FCRL6: variants seen among roughly 807,000 people sequenced by gnomAD.
FCRL6 encodes the protein Fc receptor-like protein 6.
FCRL6 carries 50 observed loss-of-function variants against 49.1 expected under a neutral mutation model. The ratio of observed to expected loss-of-function variants is 1.02; its 90% confidence interval spans 0.81 to 1.29. The LOEUF is 1.29. Among genes scored for constraint, FCRL6 ranks in the 50% most tolerant of loss-of-function variants. The pLI, the probability that FCRL6 is intolerant of heterozygous loss-of-function variation, is 0.00. For synonymous variants in FCRL6, 213 were observed against 199.6 expected (o/e 1.07, Z -0.57); for missense variants, 571 against 518.5 (o/e 1.10, Z -0.98).
chr1:159,809,322 TG>T, intron 4 of FCRL6, 77 bp downstream of exon 4: 1 of 1,527,290 alleles, frequency 6.5e-7, no homozygotes, highest in Non-Finnish European at 8.8e-7. Context: ...CTAAAGGAGT[TG>T]GGGGAAGGGT....
At chr1:159,811,393 C>T (rs1663081161) in intron 6 of FCRL6, among the ~76,000 whole-genome samples, 1 of 152,198 alleles carries the variant, frequency 6.6e-6, no homozygotes, top group Non-Finnish European at 1.5e-5. Flanking sequence ...TCTCATAGAC[C>T]TCCAAAGCTA....
chr1:159,803,849 A>G (rs1662498816), intron 1 of FCRL6, among the ~76,000 whole-genome samples: 1 of 152,084 alleles, frequency 6.6e-6, no homozygotes, highest in Non-Finnish European at 1.5e-5. Flanking sequence ...AAACACAGAC[A>G]CTGGGGCTGG....
chr1:159,813,594 C>T (rs199970454), intron 7 of FCRL6, 40 bp downstream of exon 7: 1,158 of 1,559,240 alleles, frequency 7.4e-4, no homozygotes, highest in Non-Finnish European at 9.5e-4. Flanking sequence ...CCCATGTGGG[C>T]CAAAAAGAGC....
chr1:159,813,571 G>A lies in FCRL6; in HGVS notation c.1075+17G>A, dbSNP rs368315973. ...ATGCCAACGGTAAGGACTTCCAGCA[G>A]GATGGTGGTGTGCCCATGTGGGCCA... On this transcript the variant is annotated intron_variant, in intron 7 of 9. Coordinates refer to ENST00000368106, the MANE Select transcript of FCRL6 (RefSeq NM_001004310.3). The A allele has an allele frequency of 2.5e-5, 41 of 1,612,108 alleles. No individual in the cohort carries two copies. In the African/African-American group the frequency reaches 4.7e-4, roughly 18 times the overall value.
In FCRL6 at chr1:159,802,463, A is replaced by C; in HGVS notation, c.31+8A>C. On this transcript the variant is annotated splice_region_variant and intron_variant, in intron 1 of 9. Coordinates refer to ENST00000368106, the MANE Select transcript of FCRL6 (RefSeq NM_001004310.3). Reference sequence around the variant, plus strand: ...CGGCTGTGCTGCTCTTTGGTAAGTCAACGAGCATGGGCATCCCCTCTTGGA... The same window carrying C: ...CGGCTGTGCTGCTCTTTGGTAAGTCCACGAGCATGGGCATCCCCTCTTGGA... 1 of 1,613,080 alleles carries C rather than the reference A, an allele frequency of 6.2e-7. No homozygotes were observed. Among genetic ancestry groups the C allele is most frequent in the Non-Finnish European group, 8.5e-7 (1 of 1,179,298 alleles).
intron 6 of FCRL6, among the ~76,000 whole-genome samples, chr1:159,810,564 G>A (rs1663031475): frequency 6.7e-6 from 1 of 149,508 alleles, no homozygotes; most frequent in Non-Finnish European, 1.5e-5. Flanking sequence ...TCTGTGGCTA[G>A]GAATATGAGC....
At chr1:159,802,050 G>A (rs942867045), upstream of FCRL6, among the ~76,000 whole-genome samples, 1 of 152,096 alleles carries the variant, frequency 6.6e-6, no homozygotes, top group Non-Finnish European at 1.5e-5. Context: ...GCTGAATGAC[G>A]CTGAAGCCAA....
chr1:159,814,222 G>A lies in FCRL6; in HGVS notation c.1077G>A (p.Val359=), dbSNP rs1663255839. ...GGEQCPLYAN[V]HHQKGKDEGV... The stretch of plus-strand genomic sequence containing the variant: ...TTTAAGCCTCATTCCTTCTTCCAGT[G>A]CATCACCAGAAAGGGAAAGATGAAG... The change falls in exon 8 of 10, where the codon GTG becomes GTA. Residue 359 remains valine (V), a splice_region_variant and synonymous_variant. Transcript: ENST00000368106. 1.2e-6 allele frequency: 2 copies of A among 1,613,808 alleles called. No homozygotes were observed. The highest frequency in any genetic ancestry group is 2.2e-5 in the East Asian group (1 of 44,870).
At position 159,809,233 on chromosome 1, in the gene FCRL6, G is replaced by A. The variant is rs1384616543; in HGVS notation, c.592G>A (p.Val198Ile). ...CCAGAAGCAGAGCCCCCAGCTGGAG[G>A]TCAGAGTGCAGGGTAAGTGCGCGAG... is the stretch of plus-strand genomic sequence containing the variant. ...QVQKQSPQLE[V>I]RVQAPVSRPV... The change falls in exon 4 of 10, where the codon GTC (valine) becomes ATC (isoleucine). Residue 198 changes from valine (V) to isoleucine (I), a missense_variant. Transcript: ENST00000368106. The A allele has an allele frequency of 6.4e-7, 1 of 1,569,120 alleles. No individual in the cohort carries two copies.
At position 159,808,606 on chromosome 1, in the gene FCRL6, C is replaced by A. The variant is rs60197485; in HGVS notation, c.319+162C>A. ...TTTCCCAAGATGTTGTCTCAATACC[C>A]CCCTCTCCCCACCATGGGGGACACA... On this transcript the variant is annotated intron_variant, in intron 3 of 9. Coordinates refer to ENST00000368106, the MANE Select transcript of FCRL6 (RefSeq NM_001004310.3). 9,723 of 733,268 alleles carry A rather than the reference C, an allele frequency of 0.013. 640 individuals carry two copies. The African/African-American group carries it at 0.15, about 11-fold the overall frequency. 45.4% of individuals were successfully genotyped at this position (733,268 alleles called of 1,614,324 possible). A position where few individuals can be genotyped will look rare whatever the true frequency, so the allele number is the denominator to read the frequency against.
intron 1 of FCRL6, among the ~76,000 whole-genome samples, chr1:159,802,885 T>G (rs1485977677): frequency 6.6e-6 from 1 of 152,138 alleles, no homozygotes; most frequent in Non-Finnish European, 1.5e-5. Flanking sequence ...GTCCCAGGCA[T>G]TTTGCTCAGC....
upstream of FCRL6, chr1:159,800,673 A>C: frequency 6.8e-7 from 1 of 1,469,584 alleles, no homozygotes. Flanking sequence ...CCTCTTTCCT[A>C]AACAACTGAG....
At chr1:159,814,503 A>G (rs925079812) in intron 8 of FCRL6, among the ~76,000 whole-genome samples, 2 of 152,062 alleles carry the variant, frequency 1.3e-5, no homozygotes, top group African/African-American at 4.8e-5. Flanking sequence ...TGCTACCATG[A>G]CCACCACCAC....
chr1:159,808,626 G>A (rs561337804), intron 3 of FCRL6, 182 bp downstream of exon 3: 1 of 689,258 alleles, frequency 1.5e-6, no homozygotes, highest in South Asian at 1.8e-5. Context: ...CACCATGGGG[G>A]ACACATGTAG....
At chr1:159,804,759 T>G (rs1341482601) in intron 1 of FCRL6, among the ~76,000 whole-genome samples, 2 of 152,202 alleles carry the variant, frequency 1.3e-5, no homozygotes, top group Non-Finnish European at 2.9e-5. Context: ...TTCTGTCTTG[T>G]TTTTGGCTTC....
chr1:159,808,694 G>C (rs1020835067), intron 3 of FCRL6: 9 of 611,814 alleles, frequency 1.5e-5, no homozygotes, highest in Admixed American at 5.9e-5. Context: ...CCCTGGACCA[G>C]TCCAGGCTCA....
chr1:159,808,490 A>G (rs773614473), intron 3 of FCRL6, 46 bp downstream of exon 3: 19 of 1,611,680 alleles, frequency 1.2e-5, no homozygotes, highest in East Asian at 4.5e-5. Context: ...GTGCTGCTCA[A>G]GGGTCCCGTT....
chr1:159,815,861 G>A lies in FCRL6; in HGVS notation c.*200G>A, dbSNP rs1330771031. 1 of 574,882 alleles carries A rather than the reference G, an allele frequency of 1.7e-6. No homozygotes were observed. 35.6% of individuals were successfully genotyped at this position (574,882 alleles called of 1,614,324 possible). On this transcript the variant is annotated 3_prime_UTR_variant, in exon 10 of 10. Coordinates refer to ENST00000368106, the MANE Select transcript of FCRL6 (RefSeq NM_001004310.3). Reference sequence around the variant, plus strand: ...AGAAGACCAACCAATGGAATGGGAAGGGAGATGCTCCCACCAACACACACA... The same window carrying A: ...AGAAGACCAACCAATGGAATGGGAAAGGAGATGCTCCCACCAACACACACA...
In FCRL6 at chr1:159,809,157, G is replaced by A. The variant is rs1269883715; in HGVS notation, c.516G>A (p.Glu172=). ...AACTCTGCATCCCGGGAGCCAAGGA[G>A]GGAGACTCTGGGCTTTACTGGTGTG... ...HPELCIPGAK[E]GDSGLYWCEV... The change falls in exon 4 of 10, where the codon GAG becomes GAA. Residue 172 remains glutamate, a synonymous_variant. Coordinates refer to ENST00000368106, the MANE Select transcript of FCRL6 (RefSeq NM_001004310.3). The A allele has an allele frequency of 6.2e-7, 1 of 1,613,728 alleles. No homozygotes were observed. Among genetic ancestry groups the A allele is most frequent in the Admixed American group, 1.7e-5 (1 of 59,988 alleles).
Sources: allele counts gnomAD v4.1 joint callset (sites outside exome capture counted in the v4.1 genomes callset), GRCh38; gene constraint gnomAD v4.1.1; transcripts MANE v1.5; gene names NCBI Gene and HGNC (gene_info 2026-07-23, HGNC 2026-07-21).